Variants in AGBL1 observed in about 807,000 individuals in gnomAD.
The protein encoded by AGBL1 is cytosolic carboxypeptidase 4.
Under a neutral mutation model 118.9 loss-of-function variants are expected in AGBL1, and 130 were observed. The observed-to-expected ratio is 1.09, with a 90% confidence interval of 0.95 to 1.26. The LOEUF is 1.26. Among genes scored for constraint, AGBL1 ranks in the 50% most tolerant of loss-of-function variants. AGBL1 has a pLI of 0.00. For missense variants in AGBL1, 1,584 were observed against 1,298.1 expected (o/e 1.22, Z -3.38); for synonymous variants, 555 against 478.9 (o/e 1.16, Z -2.08).
At chr15:86,517,590 T>C (rs1270752377) in intron 18 of AGBL1, among the ~76,000 whole-genome samples, 1 of 152,220 alleles carries the variant, frequency 6.6e-6, no homozygotes, top group South Asian at 2.1e-4. Context: ...ATCATGCCTC[T>C]GGTAACCCAT....
chr15:86,361,374 A>G (rs1009702497), intron 17 of AGBL1, among the ~76,000 whole-genome samples: 2 of 152,042 alleles, frequency 1.3e-5, no homozygotes, highest in Non-Finnish European at 2.9e-5. Context: ...CTTGTGATCT[A>G]TCCTGGAAAA....
intron 22 of AGBL1, among the ~76,000 whole-genome samples, chr15:86,802,722 A>G (rs1053930116): frequency 6.6e-6 from 1 of 152,152 alleles, no homozygotes; most frequent in African/African-American, 2.4e-5. Flanking sequence ...TATAAATGCA[A>G]TTCATGGAGC....
In AGBL1 at chr15:86,264,651, G is replaced by A. The variant is rs767192869; in HGVS notation, c.1480G>A (p.Val494Ile). The A allele has an allele frequency of 6.2e-7, 1 of 1,613,856 alleles. No homozygotes were observed. The highest frequency in any genetic ancestry group is 1.3e-5 in the African/African-American group (1 of 74,928). ...NSTRTREVVK[V>I]IDKLLQTHLK... ...CACTAGGACTAGAGAAGTTGTCAAA[G>A]TAATAGATAAGCTTCTGCAGACACA... The change falls in exon 11 of 23, where the codon GTA becomes ATA. Residue 494 changes from valine to isoleucine, a missense_variant. By Grantham distance (29) the Val-to-Ile change is conservative (BLOSUM62 3). Transcript: ENST00000614907.
At chr15:86,148,928 C>T (rs1311348888) in intron 3 of AGBL1, among the ~76,000 whole-genome samples, 1 of 152,234 alleles carries the variant, frequency 6.6e-6, no homozygotes, top group Non-Finnish European at 1.5e-5. Context: ...CAGCGGATCT[C>T]TTGGCAGAAA....
chr15:86,087,054 T>C (rs1215911537), intron 1 of AGBL1, among the ~76,000 whole-genome samples: 1 of 152,182 alleles, frequency 6.6e-6, no homozygotes, highest in African/African-American at 2.4e-5. Context: ...TCAAAAATGG[T>C]AGCTCCAAAA....
chr15:86,583,280 A>G (rs1216419504), intron 21 of AGBL1, among the ~76,000 whole-genome samples: 1 of 152,082 alleles, frequency 6.6e-6, no homozygotes, highest in Non-Finnish European at 1.5e-5. Flanking sequence ...GGTACCTAAA[A>G]TTAGCAGGTA....
At chr15:86,583,624 C>T (rs532777859) in intron 21 of AGBL1, among the ~76,000 whole-genome samples, 4 of 152,112 alleles carry the variant, frequency 2.6e-5, no homozygotes, top group Admixed American at 6.5e-5. Flanking sequence ...TATTGTGAAT[C>T]GTGCTACAGT....
chr15:86,317,810 C>T (rs1355654052), intron 17 of AGBL1, among the ~76,000 whole-genome samples: 1 of 152,100 alleles, frequency 6.6e-6, no homozygotes, highest in Non-Finnish European at 1.5e-5. Flanking sequence ...AGTTGTGTTC[C>T]AATAAAGATT....
Position 86,384,070 on chromosome 15 carries a change from C to T in AGBL1, c.2375-13296C>T, listed in dbSNP as rs182357167. On this transcript the variant is annotated intron_variant, in intron 17 of 22. Transcript: ENST00000614907. ...GAGCATGTCACGGTCCCCTTCCCAT[C>T]TCATTTTGGTGATGTGTCTAGATTG... 1.5e-4 allele frequency among the ~76,000 whole-genome samples: 23 copies of T among 152,264 alleles called. No individual in the cohort carries two copies. In the East Asian group the frequency reaches 3.9e-3, roughly 26 times the overall value.
chr15:86,823,252 T>G (rs2078965993), intron 22 of AGBL1, among the ~76,000 whole-genome samples: 1 of 152,144 alleles, frequency 6.6e-6, no homozygotes, highest in African/African-American at 2.4e-5. Context: ...CTTTAAAAAT[T>G]AAGGCCTTGA....
At chr15:86,522,645 G>A (rs2083204279) in intron 18 of AGBL1, among the ~76,000 whole-genome samples, 165 bp from the exon 19 acceptor site, 1 of 152,172 alleles carries the variant, frequency 6.6e-6, no homozygotes, top group Non-Finnish European at 1.5e-5. Context: ...GGAGCTTAAA[G>A]GACAGATCTA....
chr15:86,530,643 C>A (rs1276217443), intron 19 of AGBL1, among the ~76,000 whole-genome samples: 1 of 151,890 alleles, frequency 6.6e-6, no homozygotes, highest in Non-Finnish European at 1.5e-5. Context: ...CACCCCAAAT[C>A]AACAGAATAT....
At chr15:86,622,157 G>T (rs1324556693) in intron 21 of AGBL1, among the ~76,000 whole-genome samples, 1 of 151,964 alleles carries the variant, frequency 6.6e-6, no homozygotes, top group Non-Finnish European at 1.5e-5. Flanking sequence ...GTGAAACGTT[G>T]TCTCTACTAA....
At chr15:86,325,833 G>A (rs1474740204) in intron 17 of AGBL1, among the ~76,000 whole-genome samples, 1 of 152,126 alleles carries the variant, frequency 6.6e-6, no homozygotes, top group Non-Finnish European at 1.5e-5. Flanking sequence ...GCACGTTGGG[G>A]GTGGTGGGAA....
Position 86,544,274 on chromosome 15 carries a change from CAG to C in AGBL1, c.2686-1723_2686-1722del, listed in dbSNP as rs890189849. 3.3e-5 allele frequency among the ~76,000 whole-genome samples: 5 copies of C among 152,260 alleles called. No homozygotes were observed. The East Asian group carries it at 7.7e-4, about 24-fold the overall frequency. On this transcript the variant is annotated intron_variant, in intron 19 of 22. Transcript: ENST00000614907. Reference sequence around the variant, plus strand: ...AGCTAGGTCAATCGGGATGACTTTGCAGAGAGTCTCATCATCCAGCAGCCCAG... The same window carrying C: ...AGCTAGGTCAATCGGGATGACTTTGCAGAGTCTCATCATCCAGCAGCCCAG...
intron 18 of AGBL1, among the ~76,000 whole-genome samples, chr15:86,419,358 G>A (rs1257762890): frequency 1.3e-5 from 2 of 152,164 alleles, no homozygotes; most frequent in Non-Finnish European, 2.9e-5. Context: ...AGTTCAAGAG[G>A]TCAGGAAACT....
chr15:86,979,741 G>C (rs550532632), intron 23 of AGBL1, among the ~76,000 whole-genome samples: 17 of 152,216 alleles, frequency 1.1e-4, no homozygotes, highest in Non-Finnish European at 1.9e-4. Context: ...CTGACCTCGT[G>C]ATCTGCCCGC....
chr15:86,148,660 C>T (rs2077064407), intron 3 of AGBL1, among the ~76,000 whole-genome samples: 2 of 152,140 alleles, frequency 1.3e-5, no homozygotes, highest in South Asian at 4.2e-4. Flanking sequence ...ACTGGTGTAC[C>T]TGAAAGTGAT....
At position 86,413,716 on chromosome 15, in the gene AGBL1, G is replaced by A. The variant is rs143803108; in HGVS notation, c.2555+16170G>A. Among the ~76,000 whole-genome samples the A allele has an allele frequency of 8.6e-4, 131 of 151,954 alleles. 3 individuals are homozygous for A. In the East Asian group the frequency reaches 0.017, roughly 20 times the overall value. Reference sequence around the variant, plus strand: ...ATACCCTTTGCCCACTTTTTAATGGGGTTATTTATTTATTTTTTGTTGAGT... The same window carrying A: ...ATACCCTTTGCCCACTTTTTAATGGAGTTATTTATTTATTTTTTGTTGAGT... On this transcript the variant is annotated intron_variant, in intron 18 of 22. Transcript: ENST00000614907.
Sources: allele counts gnomAD v4.1 joint callset (sites outside exome capture counted in the v4.1 genomes callset), GRCh38; gene constraint gnomAD v4.1.1; transcripts MANE v1.5; gene names NCBI Gene and HGNC (gene_info 2026-07-23, HGNC 2026-07-21).